SMCO2: variants seen among roughly 807,000 people sequenced by gnomAD.
The protein encoded by SMCO2 is single-pass membrane protein with coiled-coil domains 2, also known as single-pass membrane and coiled-coil domain-containing protein 2.
In SMCO2, 25 loss-of-function variants were observed where a neutral mutation model predicts 29.5. The observed-to-expected ratio is 0.85, with a 90% CI of 0.62 to 1.18. The LOEUF is 1.18. Ranked by LOEUF, SMCO2 falls within the 50% of genes most tolerant of loss-of-function variation. The pLI is 0.00. For missense variants in SMCO2, 348 were observed against 344.5 expected, an observed-to-expected ratio of 1.01 and a Z score of -0.08; for synonymous variants, 117 against 123.3, an observed-to-expected ratio of 0.95 and a Z score of 0.34.
chr12:27,454,565 G>A, the SMCO2 span, among the ~76,000 whole-genome samples: 30 of 152,118 alleles, frequency 2.0e-4, 1 homozygote, highest in African/African-American at 5.8e-4. Context: ...CTATATTTTG[G>A]ATTGGCAAAT....
the SMCO2 span, among the ~76,000 whole-genome samples, chr12:27,457,137 C>T: frequency 6.6e-6 from 1 of 152,144 alleles, no homozygotes; most frequent in Admixed American, 6.5e-5. Flanking sequence ...AGGTTGGCTA[C>T]CCCGATCAGT....
the SMCO2 span, among the ~76,000 whole-genome samples, chr12:27,449,302 G>A: frequency 1.3e-5 from 2 of 152,160 alleles, no homozygotes; most frequent in African/African-American, 4.8e-5. Context: ...ACAACATTTG[G>A]ATGAACAAAC....
At chr12:27,423,324 CTTTTTTTTTTTT>C in the SMCO2 span, 1 of 85,920 alleles carries the variant, frequency 1.2e-5, no homozygotes, top group African/African-American at 4.5e-5. Flanking sequence ...CTTTTCTTTT[CTTTTTTTTTTTT>C]TTTTTTTTTT....
At chr12:27,462,588 C>G (rs1949467011), upstream of SMCO2, among the ~76,000 whole-genome samples, 1 of 152,138 alleles carries the variant, frequency 6.6e-6, no homozygotes, top group South Asian at 2.1e-4. Context: ...CAGTAAGCTG[C>G]AAGGTAGCTA....
intron 7 of SMCO2, chr12:27,498,117 G>T: frequency 5.7e-6 from 2 of 352,716 alleles, no homozygotes; most frequent in Non-Finnish European, 5.6e-6. Context: ...GCTTATGGCT[G>T]TATCAAATAA....
chr12:27,437,935 C>A, the SMCO2 span, among the ~76,000 whole-genome samples: 2 of 152,328 alleles, frequency 1.3e-5, no homozygotes, highest in East Asian at 3.9e-4. Flanking sequence ...ACTCTGATCA[C>A]AAACACAATC....
chr12:27,426,060 G>A, the SMCO2 span, among the ~76,000 whole-genome samples: 13 of 152,280 alleles, frequency 8.5e-5, no homozygotes, highest in South Asian at 2.1e-3. Context: ...GAAGTTTGGC[G>A]AGGCAGCCCT....
At chr12:27,428,564 T>C in the SMCO2 span, among the ~76,000 whole-genome samples, 1 of 150,124 alleles carries the variant, frequency 6.7e-6, no homozygotes, top group Non-Finnish European at 1.5e-5. Flanking sequence ...CCACCTTTTT[T>C]TTTTTTTTAA....
chr12:27,457,141 G>A, the SMCO2 span, among the ~76,000 whole-genome samples: 43 of 151,970 alleles, frequency 2.8e-4, 1 homozygote, highest in South Asian at 5.4e-3. Context: ...TGGCTACCCC[G>A]ATCAGTTTCT....
At chr12:27,480,710 T>C (rs968935067) in intron 4 of SMCO2, among the ~76,000 whole-genome samples, 19 of 144,846 alleles carry the variant, frequency 1.3e-4, no homozygotes, top group African/African-American at 2.6e-4. Context: ...CTCCCCCCCC[T>C]CTCTCTCTCT....
At chr12:27,475,608 T>C in intron 4 of SMCO2, 3 of 1,548,826 alleles carry the variant, frequency 1.9e-6, no homozygotes, top group Non-Finnish European at 2.6e-6. Context: ...TTCCTCAAGC[T>C]AAACTACTGG....
At chr12:27,450,448 T>C in the SMCO2 span, among the ~76,000 whole-genome samples, 1 of 152,208 alleles carries the variant, frequency 6.6e-6, no homozygotes, top group African/African-American at 2.4e-5. Flanking sequence ...TCTCACCTAG[T>C]TTGTTAAAAT....
intron 4 of SMCO2, among the ~76,000 whole-genome samples, chr12:27,485,450 G>GTTT (rs142312125): frequency 1.4e-4 from 18 of 132,038 alleles, no homozygotes; most frequent in South Asian, 4.8e-4. Context: ...ATTTTTTTAA[G>GTTT]TTTTTTTTTT....
chr12:27,432,755 C>T, the SMCO2 span, among the ~76,000 whole-genome samples: 9 of 152,204 alleles, frequency 5.9e-5, no homozygotes. Flanking sequence ...TTCAAAAACA[C>T]TTCCAAAAGC....
At chr12:27,472,837 A>G in exon 3 of SMCO2, 2 of 1,550,790 alleles carry the variant, frequency 1.3e-6, no homozygotes, top group African/African-American at 1.4e-5. Context: ...TGAGGATGAC[A>G]TTTCCTCCGA....
the SMCO2 span, among the ~76,000 whole-genome samples, chr12:27,425,756 T>C: frequency 6.6e-6 from 1 of 152,258 alleles, no homozygotes; most frequent in Middle Eastern, 3.4e-3. Context: ...ACCTGGACTT[T>C]CTGTTGTGTG....
At chr12:27,457,756 GAGTACAGGTGAAGTCAGAATCT>G in the SMCO2 span, among the ~76,000 whole-genome samples, 2 of 152,234 alleles carry the variant, frequency 1.3e-5, no homozygotes, top group African/African-American at 4.8e-5. Context: ...AAGTCACTGA[GAGTACAGGTGAAGTCAGAATCT>G]ACATAAGACA....
At chr12:27,465,062 A>G (rs1464305550), upstream of SMCO2, among the ~76,000 whole-genome samples, 1 of 150,762 alleles carries the variant, frequency 6.6e-6, no homozygotes, top group Non-Finnish European at 1.5e-5. Context: ...GAAAGAAAAG[A>G]AAAGAAAAAG....
chr12:27,474,885 C>A, exon 4 of SMCO2: 2 of 1,551,330 alleles, frequency 1.3e-6, no homozygotes, highest in East Asian at 2.4e-5. Context: ...TACATCTCTG[C>A]AGTTTTCAAA....
Sources: allele counts gnomAD v4.1 joint callset (sites outside exome capture counted in the v4.1 genomes callset), GRCh38; gene constraint gnomAD v4.1.1; transcripts MANE v1.5; gene names NCBI Gene and HGNC (gene_info 2026-07-23, HGNC 2026-07-21).